The following PLEKHG1 variants were observed in gnomAD, a reference collection of about 807,000 sequenced individuals.
The protein encoded by PLEKHG1 is pleckstrin homology and RhoGEF domain containing G1.
A neutral mutation model predicts 100.8 loss-of-function variants in PLEKHG1; 44 were observed. The ratio of observed to expected loss-of-function variants is 0.44; its 90% CI spans 0.34 to 0.56. The LOEUF is 0.56. PLEKHG1 is among the 20% of genes least tolerant of loss of function. The probability of loss-of-function intolerance (pLI) is 0.01; values close to 1 mark genes in which losing one functional copy is unlikely to be tolerated. For missense variants in PLEKHG1, 1,545 were observed against 1,720.9 expected (o/e 0.90, Z 1.81); for synonymous variants, 640 against 662.5 (o/e 0.97, Z 0.52).
At chr6:150,628,576 A>ACACC (rs1317085737) in intron 1 of PLEKHG1, among the ~76,000 whole-genome samples, 4 of 108,096 alleles carry the variant, frequency 3.7e-5, no homozygotes, top group African/African-American at 6.7e-5. Context: ...ACACACACAC[A>ACACC]CCCCGTCCTT....
chr6:150,792,635 C>T (rs144453024), intron 4 of PLEKHG1, among the ~76,000 whole-genome samples: 6,721 of 152,102 alleles, frequency 0.044, 456 homozygotes, highest in African/African-American at 0.15. Context: ...GATTGCACCA[C>T]TGCACTCCAG....
chr6:150,650,211 G>T (rs1778672540), intron 2 of PLEKHG1, among the ~76,000 whole-genome samples: 2 of 152,264 alleles, frequency 1.3e-5, no homozygotes, highest in South Asian at 4.1e-4. Context: ...GAGAAGAGTG[G>T]CTGTGGCCTT....
At chr6:150,830,048 G>C (rs1776827684) in intron 14 of PLEKHG1, among the ~76,000 whole-genome samples, 1 of 152,124 alleles carries the variant, frequency 6.6e-6, no homozygotes, top group South Asian at 2.1e-4. Context: ...AAGAATCTAA[G>C]AATTTTCTGT....
intron 2 of PLEKHG1, among the ~76,000 whole-genome samples, chr6:150,740,748 T>A (rs929157774): frequency 6.6e-5 from 10 of 152,186 alleles, no homozygotes; most frequent in Non-Finnish European, 1.3e-4. Flanking sequence ...AATGTGTCTA[T>A]TTTTTTCCTC....
chr6:150,782,375 C>G (rs2128648936), intron 3 of PLEKHG1, among the ~76,000 whole-genome samples: 1 of 152,206 alleles, frequency 6.6e-6, no homozygotes, highest in Non-Finnish European at 1.5e-5. Flanking sequence ...GCTTGGGCAG[C>G]AGAGCGAGAC....
At chr6:150,661,737 T>A (rs9384573) in intron 3 of PLEKHG1, among the ~76,000 whole-genome samples, 23,076 of 152,198 alleles carry the variant, frequency 0.15, 1,838 homozygotes, top group East Asian at 0.27. Flanking sequence ...GCCTATTAGC[T>A]GTGAAACTAT....
intron 2 of PLEKHG1, among the ~76,000 whole-genome samples, chr6:150,742,363 A>C (rs1237945223): frequency 6.6e-6 from 1 of 152,056 alleles, no homozygotes; most frequent in Non-Finnish European, 1.5e-5. Context: ...TCAGGAGTTC[A>C]AGACCAGCCT....
chr6:150,795,220 C>T (rs1335215884), intron 4 of PLEKHG1, among the ~76,000 whole-genome samples: 1 of 151,956 alleles, frequency 6.6e-6, no homozygotes, highest in Non-Finnish European at 1.5e-5. Context: ...AAAACCCCAT[C>T]TTTACTAAAA....
In PLEKHG1 at chr6:150,629,525, ATC is replaced by A. The variant is rs1457676192; in HGVS notation, c.-203-8552_-203-8551del. Among the ~76,000 whole-genome samples the A allele has an allele frequency of 3.3e-5, 5 of 152,064 alleles. No homozygotes were observed. The East Asian group carries it at 9.6e-4, about 29-fold the overall frequency. The stretch of plus-strand genomic sequence containing the variant: ...GCCCAGGCTGGAGTGCAGTGGCGCA[ATC>A]TCGGCTTACTGCAACCTCCGCCTCC... On this transcript the variant is annotated intron_variant, in intron 1 of 3. Transcript: ENST00000367326.
intron 3 of PLEKHG1, among the ~76,000 whole-genome samples, chr6:150,673,988 C>T (rs1350475069): frequency 6.6e-6 from 1 of 152,112 alleles, no homozygotes; most frequent in Non-Finnish European, 1.5e-5. Context: ...TTTCTAAGCT[C>T]AGTTTGTAGA....
exon 16 of PLEKHG1, chr6:150,840,719 G>A (rs202020479): frequency 5.6e-6 from 9 of 1,614,098 alleles, no homozygotes; most frequent in South Asian, 3.3e-5. Flanking sequence ...TGAATAGTCC[G>A]CGCACTCCAA....
At chr6:150,830,603 C>T in exon 15 of PLEKHG1, 1 of 1,602,876 alleles carries the variant, frequency 6.2e-7, no homozygotes, top group Non-Finnish European at 8.5e-7. Flanking sequence ...GGAAGGATCT[C>T]CCCAGCTGTC....
intron 3 of PLEKHG1, among the ~76,000 whole-genome samples, chr6:150,687,362 T>C (rs9480531): frequency 0.28 from 43,329 of 152,082 alleles, 7,816 homozygotes; most frequent in African/African-American, 0.52. Flanking sequence ...CACTTTATTA[T>C]GTCTGGAATG....
intron 3 of PLEKHG1, among the ~76,000 whole-genome samples, chr6:150,661,462 A>T (rs1779190821): frequency 6.6e-6 from 1 of 152,140 alleles, no homozygotes; most frequent in African/African-American, 2.4e-5. Context: ...TTTGGAGTGG[A>T]TTCTTTCCTT....
At chr6:150,692,683 A>C (rs1780387982) in intron 3 of PLEKHG1, among the ~76,000 whole-genome samples, 1 of 152,242 alleles carries the variant, frequency 6.6e-6, no homozygotes, top group Middle Eastern at 3.2e-3. Flanking sequence ...GAGTAAGCAG[A>C]ATTTGAATGG....
chr6:150,725,683 G>C (rs560200081), intron 1 of PLEKHG1, among the ~76,000 whole-genome samples: 1 of 151,306 alleles, frequency 6.6e-6, no homozygotes, highest in South Asian at 2.1e-4. Context: ...TTTTGCTGTT[G>C]TTGCCTGTGC....
intron 1 of PLEKHG1, among the ~76,000 whole-genome samples, chr6:150,628,576 A>ACACACACACACACCCC (rs1317085737): frequency 3.7e-5 from 4 of 108,098 alleles, no homozygotes; most frequent in African/African-American, 1.0e-4. Flanking sequence ...ACACACACAC[A>ACACACACACACACCCC]CCCCGTCCTT....
rs145336434 is a variant in PLEKHG1, at chr6:150,775,853, C to G, written c.512+7115C>G. Among the ~76,000 whole-genome samples the G allele has an allele frequency of 1.4e-4, 22 of 152,142 alleles. 1 individual carries two copies. The highest frequency in any genetic ancestry group is 5.1e-4 in the African/African-American group (21 of 41,526). On this transcript the variant is annotated intron_variant, in intron 3 of 15. Coordinates refer to ENST00000358517, the Ensembl canonical transcript of PLEKHG1. The stretch of plus-strand genomic sequence containing the variant: ...AATGGTAGAGATATTTTTACCCACG[C>G]TTTTTTCAACTGGACTTTTCCAGGC...
chr6:150,674,618 T>TTC (rs142800452), intron 3 of PLEKHG1, among the ~76,000 whole-genome samples: 1 of 53,048 alleles, frequency 1.9e-5, no homozygotes, highest in East Asian at 5.1e-4. Context: ...ACCTGTAACT[T>TTC]TCTCTCTCTC....
Sources: gnomAD v4.1 joint callset for allele counts (sites outside exome capture counted in the v4.1 genomes callset) on GRCh38, gnomAD v4.1.1 for gene constraint, MANE v1.5 for transcripts, NCBI Gene and HGNC (gene_info 2026-07-23, HGNC 2026-07-21) for gene names.